Variants in A2M observed in about 807,000 individuals in gnomAD.
The protein encoded by A2M is alpha-2-macroglobulin, also known as C3 and PZP-like alpha-2-macroglobulin domain-containing protein 5.
A2M carries 128 observed loss-of-function variants against 183.9 expected under a neutral mutation model. The observed-to-expected ratio is 0.70, with a 90% confidence interval of 0.60 to 0.81. The LOEUF is 0.81. Ranked by LOEUF, A2M falls within the 30% of genes least tolerant of loss-of-function variation. The pLI is 0.00. For synonymous variants in A2M, 592 were observed against 670.8 expected (o/e 0.88, Z 1.81); for missense variants, 1,495 against 1,787.6 (o/e 0.84, Z 2.95).
Position 9,074,570 on chromosome 12 carries a change from G to A in A2M, c.3746C>T (p.Ser1249Phe), listed in dbSNP as rs776642050. Residue 1249 changes from serine (S) to phenylalanine (F), a missense_variant, in exon 29 of 36, where the codon TCC becomes TTC. Transcript: ENST00000318602. The part of the protein sequence containing the change: ...TKQQNAQGGF[S>F]STQDTVVALH... ...TGGCAAATCACCAACCTGGGTGGAG[G>A]AGAAACCGCCCTGGGCATTCTGCTG... 6.2e-7 allele frequency: 1 copy of A among 1,610,450 alleles called. No individual in the cohort carries two copies. Among genetic ancestry groups the A allele is most frequent in the Non-Finnish European group, 8.5e-7 (1 of 1,178,236 alleles).
intron 10 of A2M, 65 bp from the exon 11 acceptor site, chr12:9,104,465 T>C (rs1938132620): frequency 4.7e-6 from 7 of 1,497,526 alleles, no homozygotes; most frequent in Admixed American, 2.2e-5. Flanking sequence ...ACATATTCAT[T>C]TATCACATTT....
In A2M at chr12:9,095,532, A is replaced by G. The variant is rs1284780100; in HGVS notation, c.2013+7T>C. On this transcript the variant is annotated splice_region_variant and intron_variant, in intron 16 of 35. Coordinates refer to ENST00000318602, the MANE Select transcript of A2M (RefSeq NM_000014.6). The stretch of plus-strand genomic sequence containing the variant: ...AGATCAGACCATCTGCAACATAAGG[A>G]GTTTACCTCTAGGAAGCTGTACATA... 1.2e-6 allele frequency: 2 copies of G among 1,608,090 alleles called. No homozygotes were observed. The highest frequency in any genetic ancestry group is 2.2e-5 in the East Asian group (1 of 44,788).
chr12:9,089,758 C>T (rs1290674296), intron 21 of A2M, 144 bp downstream of exon 21: 7 of 630,986 alleles, frequency 1.1e-5, no homozygotes, highest in Admixed American at 3.8e-5. Context: ...AAAACAAAAA[C>T]CCCCAACAAA....
chr12:9,109,806 C>T, intron 6 of A2M, 61 bp downstream of exon 6: 1 of 1,474,918 alleles, frequency 6.8e-7, no homozygotes. Context: ...ACTTAAATTC[C>T]AGGACCTAAG....
rs1248271390 is a variant in A2M, at chr12:9,109,892, C to T, written c.648G>A (p.Glu216=). 3.1e-6 allele frequency: 5 copies of T among 1,610,280 alleles called. No homozygotes were observed. The highest frequency in any genetic ancestry group is 2.7e-5 in the African/African-American group (2 of 74,788). Residue 216 remains glutamate (E), a synonymous_variant, in exon 6 of 36, where the codon GAG becomes GAA. Transcript: ENST00000318602. ...CAAATTCCTCCACGGTGAAAGGGTG[C>T]TCTGTCCTTCCACCTGATTTCTTCT... is the stretch of plus-strand genomic sequence containing the variant. The part of the protein sequence containing the change: ...VVQKKSGGRT[E]HPFTVEEFVL...
intron 32 of A2M, among the ~76,000 whole-genome samples, chr12:9,070,130 G>C (rs752194182): frequency 1.9e-4 from 29 of 152,008 alleles, no homozygotes; most frequent in South Asian, 8.3e-4. Context: ...TGTTTTGCTT[G>C]CTCTATTTTT....
In A2M at chr12:9,093,535, C is replaced by CA; in HGVS notation, c.2169dup (p.Glu724Ter). The CA allele has an allele frequency of 1.2e-6, 2 of 1,612,924 alleles. No individual in the cohort carries two copies. The highest frequency in any genetic ancestry group is 2.7e-5 in the African/African-American group (2 of 74,914). On this transcript the variant is annotated frameshift_variant, in exon 18 of 36. Coordinates refer to ENST00000318602, the MANE Select transcript of A2M (RefSeq NM_000014.6). LOFTEE classifies it high-confidence loss of function. ...CGTACGGTCTCCGTGTGAGGCTCTT[C>CA]AACATGCACCAGGCGTGCATGGCCT...
At chr12:9,083,918 T>C (rs1026832649) in intron 22 of A2M, among the ~76,000 whole-genome samples, 26 of 151,962 alleles carry the variant, frequency 1.7e-4, no homozygotes, top group Non-Finnish European at 1.5e-5. Context: ...AAAAAAATTC[T>C]GAAAAGCAGA....
chr12:9,069,118 CTG>C (rs1948486548), intron 33 of A2M: 2 of 251,174 alleles, frequency 8.0e-6, no homozygotes, highest in African/African-American at 4.5e-5. Flanking sequence ...GGATGACTAA[CTG>C]TGTTCATTTT....
At position 9,077,720 on chromosome 12, in the gene A2M, A is replaced by C. The variant is rs1341147931; in HGVS notation, c.3257T>G (p.Leu1086Arg). 6.2e-7 allele frequency: 1 copy of C among 1,614,184 alleles called. No homozygotes were observed. The highest frequency in any genetic ancestry group is 1.1e-5 in the South Asian group (1 of 91,080). The change falls in exon 26 of 36, where the codon CTG becomes CGG. Residue 1086 changes from leucine to arginine, a missense_variant. Transcript: ENST00000318602. The stretch of plus-strand genomic sequence containing the variant: ...ATTCACCTTTATGGCATTGTTGAGC[A>C]GTGACCCAGAGCTCCTGAAACAGCC... ...DNGCFRSSGS[L>R]LNNAIKGGVE...
chr12:9,087,138 GAA>G (rs36153951), intron 22 of A2M, among the ~76,000 whole-genome samples: 1 of 151,592 alleles, frequency 6.6e-6, no homozygotes, highest in African/African-American at 2.4e-5. Context: ...ACAAATAAAT[GAA>G]AAAAAATACA....
intron 4 of A2M, 148 bp downstream of exon 4, chr12:9,112,011 T>C (rs759689416): frequency 4.9e-6 from 4 of 820,812 alleles, no homozygotes. Context: ...AATGATGTTT[T>C]AGATTAGGAT....
At chr12:9,081,934 C>G (rs1357874926) in intron 22 of A2M, among the ~76,000 whole-genome samples, 1 of 152,214 alleles carries the variant, frequency 6.6e-6, no homozygotes, top group Admixed American at 6.5e-5. Flanking sequence ...CTGCATAGCC[C>G]ATCTGCAAAA....
At chr12:9,088,557 C>T (rs754859880) in intron 22 of A2M, among the ~76,000 whole-genome samples, 1 of 152,068 alleles carries the variant, frequency 6.6e-6, no homozygotes, top group Non-Finnish European at 1.5e-5. Flanking sequence ...GAAAAACATA[C>T]TAAATTTGTA....
chr12:9,116,069 C>A (rs1027593872), upstream of A2M: 4 of 540,514 alleles, frequency 7.4e-6, no homozygotes, highest in Non-Finnish European at 1.4e-5. Flanking sequence ...TAATTCCTGG[C>A]GGGCTAAATA....
intron 22 of A2M, among the ~76,000 whole-genome samples, chr12:9,085,069 T>A (rs1288965517): frequency 6.6e-6 from 1 of 152,120 alleles, no homozygotes; most frequent in Non-Finnish European, 1.5e-5. Context: ...TATGTTGCAA[T>A]GCAGTAATAT....
intron 22 of A2M, among the ~76,000 whole-genome samples, chr12:9,082,968 G>T (rs976582692): frequency 6.6e-6 from 1 of 152,180 alleles, no homozygotes; most frequent in Admixed American, 6.5e-5. Context: ...TGTATTTCTA[G>T]TTCTAGATCC....
chr12:9,109,052 G>GTA (rs1938526174), intron 7 of A2M, among the ~76,000 whole-genome samples: 4 of 151,900 alleles, frequency 2.6e-5, no homozygotes, highest in Non-Finnish European at 5.9e-5. Context: ...GTGTGTGTGT[G>GTA]CAGTTTTGTC....
chr12:9,086,345 C>A (rs1264777963), intron 22 of A2M, among the ~76,000 whole-genome samples: 1 of 152,142 alleles, frequency 6.6e-6, no homozygotes, highest in African/African-American at 2.4e-5. Context: ...CTGGGGAACA[C>A]AGCAAAAGCT....
Sources: allele counts gnomAD v4.1 joint callset (sites outside exome capture counted in the v4.1 genomes callset), GRCh38; gene constraint gnomAD v4.1.1; transcripts MANE v1.5; gene names NCBI Gene and HGNC (gene_info 2026-07-23, HGNC 2026-07-21).